Variants in SLC25A17 observed in about 807,000 individuals in gnomAD.
SLC25A17 encodes solute carrier family 25 member 17, also known as peroxisomal membrane protein PMP34.
Under a neutral mutation model 38.5 loss-of-function variants are expected in SLC25A17, and 26 were observed. The ratio of observed to expected loss-of-function variants is 0.68; its 90% CI spans 0.50 to 0.94. The LOEUF is 0.94. Ranked by LOEUF, SLC25A17 falls within the 40% of genes least tolerant of loss-of-function variation. The pLI, the probability that SLC25A17 is intolerant of heterozygous loss-of-function variation, is 0.00. For missense variants in SLC25A17, 333 were observed against 372.7 expected (o/e 0.89, Z 0.88); for synonymous variants, 139 against 136.2 (o/e 1.02, Z -0.14).
At chr22:40,777,404 C>A in intron 5 of SLC25A17, 31 bp from the exon 6 acceptor site, 1 of 1,599,050 alleles carries the variant, frequency 6.3e-7, no homozygotes, top group Non-Finnish European at 8.5e-7. Context: ...TTTTGAAAAG[C>A]ATGATCACAA....
chr22:40,818,670 C>A (rs943298036), intron 1 of SLC25A17, among the ~76,000 whole-genome samples: 3 of 147,466 alleles, frequency 2.0e-5, no homozygotes, highest in Non-Finnish European at 4.4e-5. Context: ...CGCGCCACTG[C>A]ACTCCAGCTT....
At chr22:40,785,547 A>T (rs2057330964) in intron 4 of SLC25A17, among the ~76,000 whole-genome samples, 1 of 152,222 alleles carries the variant, frequency 6.6e-6, no homozygotes, top group African/African-American at 2.4e-5. Context: ...AGGAGTGTTT[A>T]GGATGAAGAA....
Position 40,809,234 on chromosome 22 carries a change from G to A in SLC25A17, c.54+9961C>T, listed in dbSNP as rs557833406. 2.6e-5 allele frequency among the ~76,000 whole-genome samples: 4 copies of A among 152,044 alleles called. No individual in the cohort carries two copies. In the South Asian group the frequency reaches 6.2e-4, roughly 24 times the overall value. The stretch of plus-strand genomic sequence containing the variant: ...TGGCCGGGCTCAGTGGCTCATGCCT[G>A]TAATCCTAGCACTTTGGGAGGGCGA... On this transcript the variant is annotated intron_variant, in intron 1 of 8. Transcript: ENST00000435456.
intron 1 of SLC25A17, among the ~76,000 whole-genome samples, chr22:40,804,294 T>G (rs1363682549): frequency 6.6e-6 from 1 of 152,000 alleles, no homozygotes; most frequent in Non-Finnish European, 1.5e-5. Flanking sequence ...CCAGAGCAAG[T>G]GTGTACTTGG....
At position 40,770,679 on chromosome 22, in the gene SLC25A17, T is replaced by C. The variant is rs17002150; in HGVS notation, c.*155A>G. On this transcript the variant is annotated 3_prime_UTR_variant, in exon 9 of 9. Coordinates refer to ENST00000435456, the MANE Select transcript of SLC25A17 (RefSeq NM_006358.4). ...ACAATTAAGGTGACAACAGGTCCAG[T>C]TGGCCATACTCCCTGTGCACCCTTG... The C allele has an allele frequency of 3.3e-6, 2 of 597,882 alleles. No homozygotes were observed. Among genetic ancestry groups the C allele is most frequent in the Non-Finnish European group, 2.6e-6 (1 of 390,174 alleles). The allele number at this position is 597,882 out of a possible 1,614,324, so 37.0% of individuals were successfully genotyped here.
At chr22:40,776,457 A>T in intron 7 of SLC25A17, 1 of 308,148 alleles carries the variant, frequency 3.2e-6, no homozygotes, top group South Asian at 2.8e-5. Flanking sequence ...ATGAGAAGGA[A>T]GCAAACTTAT....
Position 40,779,059 on chromosome 22 carries a change from G to T in SLC25A17, c.401C>A (p.Ala134Glu). The T allele has an allele frequency of 6.2e-7, 1 of 1,614,130 alleles. No individual in the cohort carries two copies. The highest frequency in any genetic ancestry group is 8.5e-7 in the Non-Finnish European group (1 of 1,180,024). The change falls in exon 5 of 9, where the codon GCA becomes GAA. Residue 134 changes from alanine (A) to glutamate (E), a missense_variant. Physicochemically the swap from Ala to Glu is moderately radical, Grantham distance 107 (BLOSUM62 -1). Transcript: ENST00000435456. Reference protein sequence around the residue: ...VVNTRLKLQGAKFRNEDIVPT... With the variant: ...VVNTRLKLQGEKFRNEDIVPT... Reference sequence around the variant, plus strand: ...TACAATGTCTTCATTCCTAAATTTTGCTCCTTGAAGCTTCAGTCTGGTGTT... The same window carrying T: ...TACAATGTCTTCATTCCTAAATTTTTCTCCTTGAAGCTTCAGTCTGGTGTT...
intron 1 of SLC25A17, among the ~76,000 whole-genome samples, chr22:40,801,627 T>C (rs2057485163): frequency 6.6e-6 from 1 of 152,200 alleles, no homozygotes; most frequent in African/African-American, 2.4e-5. Flanking sequence ...CACAAAACAC[T>C]GAACCCACAA....
At chr22:40,793,747 G>C (rs969104368) in intron 3 of SLC25A17, among the ~76,000 whole-genome samples, 7 of 152,028 alleles carry the variant, frequency 4.6e-5, no homozygotes, top group Admixed American at 2.6e-4. Flanking sequence ...TTAGTAGCTG[G>C]GATTGTAGGC....
At chr22:40,814,031 T>C (rs951098625) in intron 1 of SLC25A17, 3 of 152,224 alleles carry the variant, frequency 2.0e-5, no homozygotes, top group Non-Finnish European at 4.4e-5. Context: ...AAACAGTCAG[T>C]AGATGTATAG....
At position 40,811,861 on chromosome 22, in the gene SLC25A17, ATGAGATTTGGAGGGGTCAAACATCCAAAC is replaced by A. The variant is rs376681596; in HGVS notation, c.54+7305_54+7333del. Among the ~76,000 whole-genome samples, 596 of 152,166 alleles carry A rather than the reference ATGAGATTTGGAGGGGTCAAACATCCAAAC, an allele frequency of 3.9e-3. 5 individuals are homozygous for A. The highest frequency in any genetic ancestry group is 0.013 in the African/African-American group (519 of 41,504). The stretch of plus-strand genomic sequence containing the variant: ...CCAACACTGGGGGTCACATTTCAAC[ATGAGATTTGGAGGGGTCAAACATCCAAAC>A]TGAGATTTGGAGGGGTCAAACATCC... On this transcript the variant is annotated intron_variant, in intron 1 of 8. Coordinates refer to ENST00000435456, the MANE Select transcript of SLC25A17 (RefSeq NM_006358.4).
At chr22:40,805,393 G>C (rs2057521248) in intron 1 of SLC25A17, among the ~76,000 whole-genome samples, 1 of 152,198 alleles carries the variant, frequency 6.6e-6, no homozygotes, top group Non-Finnish European at 1.5e-5. Flanking sequence ...AGAGTAGTTG[G>C]AATGCTGCAG....
chr22:40,814,526 G>A (rs1314791819), intron 1 of SLC25A17, among the ~76,000 whole-genome samples: 1 of 125,562 alleles, frequency 8.0e-6, no homozygotes, highest in Non-Finnish European at 1.8e-5. Context: ...TGAATGAGAA[G>A]TACTAATAAA....
chr22:40,800,665 G>C (rs530470132), intron 1 of SLC25A17, among the ~76,000 whole-genome samples: 1 of 152,030 alleles, frequency 6.6e-6, no homozygotes, highest in East Asian at 1.9e-4. Context: ...CCAAAGTGCA[G>C]GAGTACTAGG....
chr22:40,805,618 G>A (rs2057523136), intron 1 of SLC25A17, among the ~76,000 whole-genome samples: 1 of 152,008 alleles, frequency 6.6e-6, no homozygotes, highest in Admixed American at 6.6e-5. Flanking sequence ...ACTAATGAGA[G>A]CTGATGAGCT....
intron 1 of SLC25A17, among the ~76,000 whole-genome samples, chr22:40,802,527 C>T (rs2057492591): frequency 6.6e-6 from 1 of 152,096 alleles, no homozygotes; most frequent in South Asian, 2.1e-4. Flanking sequence ...CACCTGTAAT[C>T]CCAGCTACTT....
intron 8 of SLC25A17, among the ~76,000 whole-genome samples, chr22:40,771,356 C>A (rs941030919): frequency 6.6e-6 from 1 of 152,066 alleles, no homozygotes; most frequent in Non-Finnish European, 1.5e-5. Context: ...GTGATCTGCC[C>A]GCCTCAGCCT....
At chr22:40,815,146 C>T (rs570790941) in intron 1 of SLC25A17, among the ~76,000 whole-genome samples, 10 of 152,068 alleles carry the variant, frequency 6.6e-5, no homozygotes, top group African/African-American at 2.4e-4. Flanking sequence ...AAGCTTAGCA[C>T]AAAGGGAAAG....
chr22:40,786,921 G>A (rs9619899), intron 4 of SLC25A17, among the ~76,000 whole-genome samples: 2,806 of 152,280 alleles, frequency 0.018, 79 homozygotes, highest in African/African-American at 0.063. Flanking sequence ...CGTTTAATAA[G>A]TACCTTCTAT....
Sources: allele counts gnomAD v4.1 joint callset (sites outside exome capture counted in the v4.1 genomes callset), GRCh38; gene constraint gnomAD v4.1.1; transcripts MANE v1.5; gene names NCBI Gene and HGNC (gene_info 2026-07-23, HGNC 2026-07-21).